Variants in BCAS3 observed in about 807,000 individuals in gnomAD.
BCAS3 encodes the protein BCAS3 microtubule associated cell migration factor.
A neutral mutation model predicts 116.1 loss-of-function variants in BCAS3; 53 were observed. The ratio of observed to expected loss-of-function variants is 0.46; its 90% CI spans 0.37 to 0.57. BCAS3 has a LOEUF of 0.57. Ranked by LOEUF, BCAS3 falls within the 20% of genes least tolerant of loss-of-function variation. BCAS3 has a pLI of 0.00. For synonymous variants in BCAS3, 391 were observed against 408.2 expected (o/e 0.96, Z 0.51); for missense variants, 917 against 1,165.4 (o/e 0.79, Z 3.10).
intron 7 of BCAS3, among the ~76,000 whole-genome samples, chr17:60,829,381 C>A (rs9903271): frequency 0.22 from 33,068 of 151,462 alleles, 4,650 homozygotes; most frequent in African/African-American, 0.41. Context: ...GTAATCCCAG[C>A]TACTCGGGAG....
chr17:61,234,762 C>T (rs1170715525), intron 22 of BCAS3, among the ~76,000 whole-genome samples: 2 of 146,452 alleles, frequency 1.4e-5, no homozygotes, highest in Non-Finnish European at 3.0e-5. Context: ...GAACTATACC[C>T]TCTGGCTCAG....
chr17:60,924,698 T>A (rs2059282382), intron 13 of BCAS3, among the ~76,000 whole-genome samples, 198 bp downstream of exon 13: 1 of 151,958 alleles, frequency 6.6e-6, no homozygotes. Context: ...CTAAAATTGG[T>A]TTTGTTCTCG....
intron 6 of BCAS3, among the ~76,000 whole-genome samples, chr17:60,806,803 GT>G (rs1270510956): frequency 6.6e-6 from 1 of 152,124 alleles, no homozygotes; most frequent in Non-Finnish European, 1.5e-5. Context: ...AGTGTTGAGA[GT>G]ACAGGCGTGA....
intron 14 of BCAS3, among the ~76,000 whole-genome samples, chr17:60,989,480 T>G (rs1157795496): frequency 9.0e-6 from 1 of 110,794 alleles, no homozygotes; most frequent in Non-Finnish European, 1.6e-5. Flanking sequence ...AATAAAGTTG[T>G]TTTTTTTTTT....
At chr17:61,177,341 G>T (rs2079205634) in intron 22 of BCAS3, among the ~76,000 whole-genome samples, 1 of 152,102 alleles carries the variant, frequency 6.6e-6, no homozygotes, top group Non-Finnish European at 1.5e-5. Context: ...AAACGAATTG[G>T]TATTTATCTA....
chr17:60,927,410 G>A (rs1043018018), intron 13 of BCAS3, among the ~76,000 whole-genome samples: 4 of 151,934 alleles, frequency 2.6e-5, no homozygotes, highest in South Asian at 2.1e-4. Flanking sequence ...CGTGTACCAC[G>A]CCCAGCTAAT....
intron 22 of BCAS3, among the ~76,000 whole-genome samples, chr17:61,116,799 A>G (rs949491313): frequency 5.9e-5 from 9 of 152,334 alleles, no homozygotes; most frequent in African/African-American, 2.2e-4. Flanking sequence ...GTACTCAGAA[A>G]AAAATATTGT....
intron 19 of BCAS3, among the ~76,000 whole-genome samples, chr17:61,042,581 A>C (rs1295809925): frequency 6.6e-6 from 1 of 151,904 alleles, no homozygotes; most frequent in Non-Finnish European, 1.5e-5. Flanking sequence ...CACCATCAAA[A>C]TTGTATTTTA....
Position 61,078,418 on chromosome 17 carries a change from A to G in BCAS3, c.2216A>G (p.Gln739Arg). The G allele has an allele frequency of 6.2e-7, 1 of 1,614,192 alleles. No individual in the cohort carries two copies. The highest frequency in any genetic ancestry group is 8.5e-7 in the Non-Finnish European group (1 of 1,180,024). The change falls in exon 21 of 24, where the codon CAA becomes CGA. Residue 739 changes from glutamine to arginine, a missense_variant. This residue lies in a region of BCAS3 where 807 missense variants were observed against 1,026.0 expected (regional missense o/e 0.79). Coordinates refer to ENST00000407086, the MANE Select transcript of BCAS3 (RefSeq NM_017679.5). ...TTCAAAACCATCCATCCCTCAGGCC[A>G]AACCACAGTTATCTCATCCAGTTCA... The part of the protein sequence containing the change: ...FQFKTIHPSG[Q>R]TTVISSSSSV...
chr17:61,169,947 C>T (rs1385588911), intron 22 of BCAS3, among the ~76,000 whole-genome samples: 2 of 150,958 alleles, frequency 1.3e-5, no homozygotes, highest in African/African-American at 2.4e-5. Flanking sequence ...TTCCACCTCC[C>T]GGGTTCAAGC....
At chr17:61,197,165 G>A (rs757989092) in intron 22 of BCAS3, among the ~76,000 whole-genome samples, 3 of 152,220 alleles carry the variant, frequency 2.0e-5, no homozygotes, top group Non-Finnish European at 4.4e-5. Context: ...CAAAGGTGAA[G>A]AGTATATGAC....
At chr17:60,800,309 G>T (rs952131941) in intron 6 of BCAS3, among the ~76,000 whole-genome samples, 1 of 152,156 alleles carries the variant, frequency 6.6e-6, no homozygotes, top group Non-Finnish European at 1.5e-5. Context: ...AGCTCCTCTA[G>T]TAGGTATGTA....
intron 6 of BCAS3, among the ~76,000 whole-genome samples, chr17:60,793,439 G>A (rs2046947628): frequency 6.6e-6 from 1 of 152,042 alleles, no homozygotes; most frequent in South Asian, 2.1e-4. Flanking sequence ...GGGGGTACAG[G>A]TGGTATTTGG....
At chr17:60,748,576 G>T (rs1171471234) in intron 6 of BCAS3, among the ~76,000 whole-genome samples, 1 of 152,128 alleles carries the variant, frequency 6.6e-6, no homozygotes. Flanking sequence ...AATCAAGGAG[G>T]ACTTTATTAC....
chr17:60,830,810 C>G (rs967546911), intron 7 of BCAS3, among the ~76,000 whole-genome samples: 1 of 150,042 alleles, frequency 6.7e-6, no homozygotes, highest in Non-Finnish European at 1.5e-5. Context: ...GTATTTATCA[C>G]AACTACTATA....
intron 6 of BCAS3, among the ~76,000 whole-genome samples, chr17:60,784,114 G>T (rs1598693058): frequency 6.6e-6 from 1 of 151,928 alleles, no homozygotes; most frequent in Admixed American, 6.6e-5. Flanking sequence ...AGCATGTACT[G>T]TATCTAAGTT....
intron 14 of BCAS3, among the ~76,000 whole-genome samples, chr17:60,951,035 G>C (rs182236892): frequency 2.6e-5 from 4 of 152,230 alleles, no homozygotes; most frequent in Admixed American, 6.5e-5. Flanking sequence ...TCTTTATGTT[G>C]TAGAAGTTTT....
chr17:61,268,511 C>T (rs1055121090), intron 22 of BCAS3, among the ~76,000 whole-genome samples: 2 of 152,176 alleles, frequency 1.3e-5, no homozygotes, highest in African/African-American at 4.8e-5. Context: ...AATTTTTCAT[C>T]ATACAAAACT....
intron 6 of BCAS3, among the ~76,000 whole-genome samples, chr17:60,777,549 C>A (rs1369629306): frequency 1.3e-5 from 2 of 152,106 alleles, no homozygotes; most frequent in Non-Finnish European, 2.9e-5. Flanking sequence ...TCGCTTGAAT[C>A]CAGGAAGTGG....
Sources: gnomAD v4.1 joint callset for allele counts (sites outside exome capture counted in the v4.1 genomes callset) on GRCh38, gnomAD v4.1.1 for gene constraint, gnomAD v4.1.1 regional missense constraint, MANE v1.5 for transcripts, NCBI Gene and HGNC (gene_info 2026-07-23, HGNC 2026-07-21) for gene names.